DMD: variants seen among roughly 807,000 people sequenced by gnomAD.
DMD encodes the protein mutant dystrophin.
Under a neutral mutation model 330.1 loss-of-function variants are expected in DMD, and 63 were observed. The observed-to-expected ratio is 0.19, with a 90% CI of 0.16 to 0.24. DMD has a LOEUF of 0.24. Among genes scored for constraint, DMD ranks in the 10% least tolerant of loss-of-function variants. The pLI is 1.00. For missense variants in DMD, 3,344 were observed against 2,684.1 expected (o/e 1.25, Z -5.43); for synonymous variants, 1,223 against 959.8 (o/e 1.27, Z -5.07).
chrX:32,554,120 G>A (rs1377146451), intron 16 of DMD, among the ~76,000 whole-genome samples: 1 of 112,035 alleles, frequency 8.9e-6, no homozygotes, highest in Non-Finnish European at 1.9e-5. Flanking sequence ...CAGAATCTCT[G>A]GGACGCAGCT....
At chrX:31,136,144 A>G (rs2035196261) in intron 76 of DMD, among the ~76,000 whole-genome samples, 1 of 111,179 alleles carries the variant, frequency 9.0e-6, no homozygotes, top group Non-Finnish European at 1.9e-5. Flanking sequence ...GCCTCAGACT[A>G]CATGAGTCTC....
At chrX:32,276,932 A>AAAAG (rs1182838499) in intron 43 of DMD, among the ~76,000 whole-genome samples, 1 of 109,354 alleles carries the variant, frequency 9.1e-6, no homozygotes, top group Non-Finnish European at 1.9e-5. Context: ...GAAAGAAAAG[A>AAAAG]AAAGAAAGAA....
chrX:32,481,099 A>T (rs1303069908), intron 21 of DMD, among the ~76,000 whole-genome samples: 1 of 110,936 alleles, frequency 9.0e-6, no homozygotes, highest in Non-Finnish European at 1.9e-5. Flanking sequence ...AGGGGTAGAG[A>T]CTAACCATAG....
chrX:31,253,375 C>T (rs778400498), intron 63 of DMD, among the ~76,000 whole-genome samples: 10 of 111,789 alleles, frequency 8.9e-5, no homozygotes, highest in Middle Eastern at 4.6e-3. Context: ...TAGTGGAGAA[C>T]AGTTTAGTTC....
intron 52 of DMD, among the ~76,000 whole-genome samples, chrX:31,719,086 C>T (rs17330034): frequency 0.14 from 15,220 of 111,323 alleles, 894 homozygotes; most frequent in Admixed American, 0.31. Flanking sequence ...ACCTGTCAAA[C>T]GGATAAACCA....
chrX:32,950,669 C>G (rs972876731), intron 2 of DMD, among the ~76,000 whole-genome samples: 2 of 111,575 alleles, frequency 1.8e-5, no homozygotes, highest in African/African-American at 6.5e-5. Flanking sequence ...TTCTACCCAT[C>G]AGAATTACTT....
chrX:32,735,944 C>A (rs2068407624), intron 7 of DMD, among the ~76,000 whole-genome samples: 1 of 111,591 alleles, frequency 9.0e-6, no homozygotes, highest in African/African-American at 3.3e-5. Flanking sequence ...AGAGCTTCTG[C>A]ACAACAAAAG....
At chrX:31,765,751 TCTTATTCACA>T (rs960970177) in intron 51 of DMD, among the ~76,000 whole-genome samples, 3 of 111,577 alleles carry the variant, frequency 2.7e-5, no homozygotes, top group African/African-American at 9.8e-5. Context: ...CACTGCCTCA[TCTTATTCACA>T]CTTATTCACT....
At chrX:31,138,658 A>T (rs1335630032) in intron 76 of DMD, among the ~76,000 whole-genome samples, 2 of 90,039 alleles carry the variant, frequency 2.2e-5, no homozygotes, top group Non-Finnish European at 4.5e-5. Flanking sequence ...AGAGAGAGAG[A>T]GAGAGAGAGA....
At chrX:31,462,009 T>C (rs1387680529) in intron 59 of DMD, among the ~76,000 whole-genome samples, 1 of 111,739 alleles carries the variant, frequency 8.9e-6, no homozygotes, top group Non-Finnish European at 1.9e-5. Flanking sequence ...GCCAATTGTG[T>C]GCATCTCCTC....
Position 31,822,653 on chromosome X carries a change from G to GGGGGTGTGTGTGT in DMD, c.7201-2571_7201-2570insACACACACACCCC, listed in dbSNP as rs58903799. On this transcript the variant is annotated intron_variant, in intron 49 of 78. Coordinates refer to ENST00000357033, the MANE Select transcript of DMD (RefSeq NM_004006.3). ...TTGGCCATACAGAAAAAGGCAGAGG[G>GGGGGTGTGTGTGT]GTGTGTGTGTGTGTGTGTGTGTGTG... Among the ~76,000 whole-genome samples the GGGGGTGTGTGTGT allele has an allele frequency of 2.0e-3, 130 of 65,806 alleles. 3 individuals carry two copies. The highest frequency in any genetic ancestry group is 7.4e-3 in the African/African-American group (116 of 15,650). The allele number at this position is 65,806 out of a possible 115,157, so 57.1% of individuals were successfully genotyped here.
intron 1 of DMD, among the ~76,000 whole-genome samples, chrX:33,026,311 CTCAAAAAAAAAA>C (rs2093998382): frequency 5.5e-5 from 1 of 18,341 alleles, no homozygotes. Context: ...GAGACTCCGT[CTCAAAAAAAAAA>C]AAAAAAAAAA....
intron 47 of DMD, among the ~76,000 whole-genome samples, chrX:31,900,679 A>G (rs1270887897): frequency 9.0e-6 from 1 of 111,612 alleles, no homozygotes; most frequent in Non-Finnish European, 1.9e-5. Flanking sequence ...TAACATGCAG[A>G]GTCTGGTACA....
chrX:32,470,452 T>C (rs1370527836), intron 22 of DMD, among the ~76,000 whole-genome samples: 1 of 107,306 alleles, frequency 9.3e-6, no homozygotes, highest in Admixed American at 9.7e-5. Flanking sequence ...GAAATGTTCA[T>C]ATCTTTTTTT....
chrX:32,378,667 A>T (rs57182377), intron 34 of DMD, among the ~76,000 whole-genome samples: 2,908 of 111,182 alleles, frequency 0.026, 98 homozygotes, highest in African/African-American at 0.086. Flanking sequence ...AAAATTTTTT[A>T]AAATAATAAA....
At chrX:31,523,515 G>A (rs1427321657) in intron 55 of DMD, among the ~76,000 whole-genome samples, 5 of 112,199 alleles carry the variant, frequency 4.5e-5, no homozygotes, top group African/African-American at 1.6e-4. Context: ...AAAATGACCC[G>A]ATTTGGGGAA....
rs1243154690 is a variant in DMD at position 31,178,452 on chromosome X, CT to C, written c.10223+216del. ...TTGTGGTTTTTTTTTTTTTTTCCCC[CT>C]GTGAGATAAAGTTTAACTTTTGGAA... On this transcript the variant is annotated intron_variant, in intron 70 of 78. Transcript: ENST00000357033. 1.1e-5 allele frequency: 10 copies of C among 930,625 alleles called. No individual in the cohort carries two copies. In the African/African-American group the frequency reaches 1.9e-4, roughly 17 times the overall value. The allele number at this position is 930,625 out of a possible 1,213,427, so 76.7% of individuals were successfully genotyped here.
intron 64 of DMD, among the ~76,000 whole-genome samples, chrX:31,211,154 G>C (rs756616451): frequency 1.8e-5 from 2 of 112,323 alleles, no homozygotes; most frequent in Admixed American, 9.4e-5. Context: ...AAATAATAAA[G>C]AATTTTAAAA....
At chrX:32,706,681 A>G (rs1421619203) in intron 7 of DMD, among the ~76,000 whole-genome samples, 4 of 112,529 alleles carry the variant, frequency 3.6e-5, no homozygotes, top group African/African-American at 1.3e-4. Context: ...AGACTGATAC[A>G]CTGAAAACTA....
Sources: gnomAD v4.1 joint callset for allele counts (sites outside exome capture counted in the v4.1 genomes callset) on GRCh38, gnomAD v4.1.1 for gene constraint, MANE v1.5 for transcripts, NCBI Gene and HGNC (gene_info 2026-07-23, HGNC 2026-07-21) for gene names.